CELF1: variants seen among roughly 807,000 people sequenced by gnomAD.
CELF1 encodes the protein CUGBP Elav-like family member 1, also known as 50 kDa nuclear polyadenylated RNA-binding protein.
Under a neutral mutation model 61.8 loss-of-function variants are expected in CELF1, and 10 were observed. That is an observed-to-expected ratio of 0.16 (90% CI 0.10 to 0.27). The LOEUF is 0.27. Ranked by LOEUF, CELF1 falls within the 10% of genes least tolerant of loss-of-function variation. The pLI is 1.00. For missense variants in CELF1, 380 were observed against 639.1 expected (o/e 0.59, Z 4.37); for synonymous variants, 236 against 225.1 (o/e 1.05, Z -0.43).
At chr11:47,549,008 T>C (rs1338967594) in intron 1 of CELF1, among the ~76,000 whole-genome samples, 1 of 151,690 alleles carries the variant, frequency 6.6e-6, no homozygotes, top group Non-Finnish European at 1.5e-5. Flanking sequence ...CCAACAAGCA[T>C]ATGAAAAGAT....
intron 3 of CELF1, among the ~76,000 whole-genome samples, chr11:47,490,147 C>T (rs997188479): frequency 2.0e-5 from 3 of 151,366 alleles, no homozygotes; most frequent in African/African-American, 4.9e-5. Context: ...CCATGTTGGC[C>T]AGGCTAGTCT....
At chr11:47,473,003 T>C in intron 14 of CELF1, 85 bp downstream of exon 14, 1 of 1,468,598 alleles carries the variant, frequency 6.8e-7, no homozygotes, top group South Asian at 1.3e-5. Flanking sequence ...CACAAACTCA[T>C]ATTCAGATCT....
rs576307013 is a variant in CELF1, at chr11:47,472,259, G to A, written c.1516C>T (p.Arg506Cys). ...GMKRLKVQLK[R>C]SKNDSKPY Reference sequence around the variant, plus strand: ...TAGGGCTTGCTGTCATTCTTCGAACGTTTGAGCTGCACTTTAAGCCGCTTC... The same window carrying A: ...TAGGGCTTGCTGTCATTCTTCGAACATTTGAGCTGCACTTTAAGCCGCTTC... The change falls in exon 15 of 15, where the codon CGT becomes TGT. Residue 506 changes from arginine (R) to cysteine (C), a missense_variant. Transcript: ENST00000687097. The A allele has an allele frequency of 6.2e-7, 1 of 1,614,156 alleles. No homozygotes were observed. The highest frequency in any genetic ancestry group is 1.3e-5 in the African/African-American group (1 of 75,062).
intron 1 of CELF1, among the ~76,000 whole-genome samples, chr11:47,502,191 TTC>T (rs1476218723): frequency 2.6e-5 from 4 of 152,184 alleles, no homozygotes; most frequent in African/African-American, 9.6e-5. Context: ...GGCCCATAAA[TTC>T]TCTGTGCTTA....
chr11:47,499,392 A>G, intron 3 of CELF1, 61 bp downstream of exon 3: 3 of 1,343,020 alleles, frequency 2.2e-6, no homozygotes, highest in Non-Finnish European at 3.0e-6. Context: ...AATTTCATCA[A>G]ATAAAGAAAA....
chr11:47,497,315 T>G (rs1362103488), intron 3 of CELF1, among the ~76,000 whole-genome samples: 1 of 152,180 alleles, frequency 6.6e-6, no homozygotes, highest in Non-Finnish European at 1.5e-5. Flanking sequence ...ACACAACTCA[T>G]GAAAATATCC....
chr11:47,534,399 A>T (rs951465072), intron 1 of CELF1, among the ~76,000 whole-genome samples: 1 of 151,746 alleles, frequency 6.6e-6, no homozygotes. Flanking sequence ...TTCTCTACAC[A>T]ATTATGTTAG....
At position 47,481,959 on chromosome 11, in the gene CELF1, T is replaced by C. The variant is rs148463222; in HGVS notation, c.768+736A>G. On this transcript the variant is annotated intron_variant, in intron 9 of 14. Coordinates refer to ENST00000687097, the MANE Select transcript of CELF1 (RefSeq NM_001376376.1). ...GGCTCACACCTGTAAACCCAGCACT[T>C]TGGGAGGCCAAGACAGGTGGATCAC... Among the ~76,000 whole-genome samples the C allele has an allele frequency of 1.9e-3, 289 of 152,274 alleles. 1 individual carries two copies. The highest frequency in any genetic ancestry group is 0.014 in the Middle Eastern group (4 of 294).
At chr11:47,548,012 T>A (rs1021286865) in intron 1 of CELF1, among the ~76,000 whole-genome samples, 1 of 151,692 alleles carries the variant, frequency 6.6e-6, no homozygotes, top group Non-Finnish European at 1.5e-5. Context: ...TAAAAATGGT[T>A]AAAACGGGCC....
intron 1 of CELF1, among the ~76,000 whole-genome samples, chr11:47,552,647 A>G (rs1183713987): frequency 2.6e-5 from 4 of 152,190 alleles, no homozygotes; most frequent in Non-Finnish European, 5.9e-5. Context: ...AGCCAGAAAG[A>G]CGAGGAAAAC....
chr11:47,472,616 G>A (rs1235133421), intron 14 of CELF1, among the ~76,000 whole-genome samples: 1 of 152,122 alleles, frequency 6.6e-6, no homozygotes, highest in Non-Finnish European at 1.5e-5. Flanking sequence ...GTACAGTGGT[G>A]TGACCATGGT....
intron 3 of CELF1, among the ~76,000 whole-genome samples, chr11:47,491,169 T>C (rs1202290285): frequency 6.6e-6 from 1 of 150,502 alleles, no homozygotes; most frequent in East Asian, 2.0e-4. Flanking sequence ...AGCCTATTTC[T>C]TTATTTTTTA....
upstream of CELF1, among the ~76,000 whole-genome samples, chr11:47,554,863 CCT>C (rs1038790513): frequency 1.3e-5 from 2 of 151,972 alleles, no homozygotes; most frequent in South Asian, 2.1e-4. Context: ...GGTTTCAACC[CCT>C]GTTGGTCAGG....
Position 47,472,145 on chromosome 11 carries a change from C to T in CELF1, c.*85G>A. 3.3e-6 allele frequency: 5 copies of T among 1,532,698 alleles called. No individual in the cohort carries two copies. The highest frequency in any genetic ancestry group is 4.5e-6 in the Non-Finnish European group (5 of 1,120,568). The allele number at this position is 1,532,698 out of a possible 1,614,324, so 94.9% of individuals were successfully genotyped here. On this transcript the variant is annotated 3_prime_UTR_variant, in exon 15 of 15. Coordinates refer to ENST00000687097, the MANE Select transcript of CELF1 (RefSeq NM_001376376.1). The stretch of plus-strand genomic sequence containing the variant: ...ATCAGGGTCCAGGGCTGTCAACACA[C>T]AGCCTCAGGGCTTCGAATCATTAAG...
rs2096616836 is a variant in CELF1 at position 47,535,854 on chromosome 11, C to T, written c.-154+17138G>A. Among the ~76,000 whole-genome samples the T allele has an allele frequency of 2.6e-5, 4 of 151,346 alleles. No homozygotes were observed. The South Asian group carries it at 8.4e-4, about 32-fold the overall frequency. ...CTCGGCTCACTGCAATCTCCACCTC[C>T]TGGGTTCAAGCGAGCCTCCTGCCTC... On this transcript the variant is annotated intron_variant, in intron 1 of 14. Coordinates refer to ENST00000687097, the MANE Select transcript of CELF1 (RefSeq NM_001376376.1).
intron 14 of CELF1, 116 bp from the exon 15 acceptor site, chr11:47,472,473 G>A: frequency 1.7e-6 from 2 of 1,150,418 alleles, no homozygotes; most frequent in Non-Finnish European, 2.5e-6. Flanking sequence ...TATTCAGCAG[G>A]GACAAGAAAT....
intron 1 of CELF1, among the ~76,000 whole-genome samples, chr11:47,537,904 CT>C (rs548810170): frequency 2.7e-4 from 40 of 150,820 alleles, no homozygotes; most frequent in African/African-American, 7.5e-4. Flanking sequence ...ATTTTGTTTT[CT>C]TTTTTTTCTT....
intron 1 of CELF1, among the ~76,000 whole-genome samples, chr11:47,519,818 G>A (rs1264929344): frequency 2.6e-5 from 4 of 151,306 alleles, no homozygotes; most frequent in South Asian, 2.1e-4. Context: ...AGCTGAGATC[G>A]TGCCACTGCA....
chr11:47,473,266 G>A lies in CELF1; in HGVS notation c.1274-35C>T, dbSNP rs776081985. ...ACCCAGGAATTGGAAAAGTATCAGT[G>A]TCAAACATGCTCGTCGCCCTGCACC... is the stretch of plus-strand genomic sequence containing the variant. On this transcript the variant is annotated intron_variant, in intron 13 of 14. Coordinates refer to ENST00000687097, the MANE Select transcript of CELF1 (RefSeq NM_001376376.1). The A allele has an allele frequency of 3.1e-6, 5 of 1,600,440 alleles. No homozygotes were observed. The African/African-American group carries it at 4.0e-5, about 13-fold the overall frequency.
Sources: allele counts gnomAD v4.1 joint callset (sites outside exome capture counted in the v4.1 genomes callset), GRCh38; gene constraint gnomAD v4.1.1; transcripts MANE v1.5; gene names NCBI Gene and HGNC (gene_info 2026-07-23, HGNC 2026-07-21).